GRIP1: variants seen among roughly 807,000 people sequenced by gnomAD.
GRIP1 encodes glutamate receptor interacting protein 1, also known as glutamate receptor-interacting protein 1.
Under a neutral mutation model 129.9 loss-of-function variants are expected in GRIP1, and 45 were observed. The observed-to-expected ratio is 0.35, with a 90% CI of 0.27 to 0.44. GRIP1 has a LOEUF of 0.44. Ranked by LOEUF, GRIP1 falls within the 20% of genes least tolerant of loss-of-function variation. The pLI, the probability that GRIP1 is intolerant of heterozygous loss-of-function variation, is 1.00. For missense variants in GRIP1, 1,196 were observed against 1,396.8 expected (o/e 0.86, Z 2.29); for synonymous variants, 530 against 520.8 (o/e 1.02, Z -0.24).
intron 1 of GRIP1, among the ~76,000 whole-genome samples, chr12:66,777,318 C>T (rs369380581): frequency 6.6e-6 from 1 of 152,120 alleles, no homozygotes; most frequent in African/African-American, 2.4e-5. Flanking sequence ...CTTGGTGCTG[C>T]CCTCCTCCTC....
intron 14 of GRIP1, among the ~76,000 whole-genome samples, chr12:66,429,194 G>A (rs760396099): frequency 5.9e-5 from 9 of 152,168 alleles, no homozygotes; most frequent in African/African-American, 1.7e-4. Context: ...GGCTCTGCTG[G>A]TATGCTTCCA....
chr12:66,700,042 A>G (rs928684867), intron 1 of GRIP1, among the ~76,000 whole-genome samples: 4 of 152,192 alleles, frequency 2.6e-5, no homozygotes, highest in Non-Finnish European at 5.9e-5. Flanking sequence ...CTTCTGCCCA[A>G]TCATTAGAGA....
intron 4 of GRIP1, among the ~76,000 whole-genome samples, chr12:66,531,270 T>A (rs1592499789): frequency 2.8e-4 from 3 of 10,704 alleles, no homozygotes; most frequent in East Asian, 2.9e-3. Context: ...TATATATATA[T>A]ATATATATAT....
At chr12:66,907,995 G>GA (rs1055300300) in intron 1 of GRIP1, among the ~76,000 whole-genome samples, 3 of 151,170 alleles carry the variant, frequency 2.0e-5, no homozygotes, top group Non-Finnish European at 4.4e-5. Flanking sequence ...TACCCAAAGT[G>GA]AAAAAAAATA....
In GRIP1 at chr12:66,636,917, T is replaced by C. The variant is rs538800055; in HGVS notation, c.56-39990A>G. On this transcript the variant is annotated intron_variant, in intron 1 of 24. Transcript: ENST00000359742. ...GAAAATAAATTTCTGCTGTCTAAGC[T>C]GCCCAGTCTATGACCTATTGTTAGG... Among the ~76,000 whole-genome samples, 3 of 152,328 alleles carry C rather than the reference T, an allele frequency of 2.0e-5. No homozygotes were observed. The East Asian group carries it at 5.8e-4, about 29-fold the overall frequency.
chr12:66,852,544 A>ATG (rs2039932452), intron 1 of GRIP1, among the ~76,000 whole-genome samples: 2 of 107,244 alleles, frequency 1.9e-5, no homozygotes, highest in Non-Finnish European at 4.1e-5. Context: ...ATATATGTAT[A>ATG]TATGTATATG....
At chr12:66,580,417 T>A (rs1380180876) in intron 2 of GRIP1, among the ~76,000 whole-genome samples, 3 of 151,730 alleles carry the variant, frequency 2.0e-5, no homozygotes, top group African/African-American at 7.3e-5. Flanking sequence ...ATATTAACTT[T>A]AAATGTAAAG....
At chr12:66,651,297 A>G (rs887142132) in intron 1 of GRIP1, among the ~76,000 whole-genome samples, 5 of 152,322 alleles carry the variant, frequency 3.3e-5, no homozygotes, top group African/African-American at 1.2e-4. Flanking sequence ...CAGGATCAAT[A>G]TTTGGTTTAT....
chr12:66,771,947 G>A (rs1415507841), intron 1 of GRIP1, among the ~76,000 whole-genome samples: 2 of 152,136 alleles, frequency 1.3e-5, no homozygotes, highest in Middle Eastern at 3.4e-3. Context: ...TTCATAAAAA[G>A]GACCAAAGGA....
chr12:67,054,899 G>C (rs1252625212), intron 1 of GRIP1, among the ~76,000 whole-genome samples: 5 of 152,158 alleles, frequency 3.3e-5, no homozygotes, highest in African/African-American at 1.2e-4. Flanking sequence ...ATAGACCAGA[G>C]GCCAACTGAA....
chr12:66,588,988 TTAAATAAA>T lies in GRIP1; in HGVS notation c.136+7851_136+7858del, dbSNP rs71069012. Among the ~76,000 whole-genome samples the T allele has an allele frequency of 2.9e-4, 43 of 145,848 alleles. No individual in the cohort carries two copies. The East Asian group carries it at 4.2e-3, about 14-fold the overall frequency. ...TGTCCCCCTCCTACAAAAAAAAAAA[TTAAATAAA>T]TAAATAAATAAATAAATAAATAAAA... On this transcript the variant is annotated intron_variant, in intron 2 of 24. Coordinates refer to ENST00000359742, the MANE Select transcript of GRIP1 (RefSeq NM_001366722.1).
Position 66,603,172 on chromosome 12 carries a change from T to C in GRIP1, c.56-6245A>G, listed in dbSNP as rs535183239. ...CACCACATCTGGCTTTCTTTTACTTTTGAACTTTGGAAAAAAAAAAACACC... is the reference window on the plus strand; with the variant it reads ...CACCACATCTGGCTTTCTTTTACTTCTGAACTTTGGAAAAAAAAAAACACC... On this transcript the variant is annotated intron_variant, in intron 1 of 24. Coordinates refer to ENST00000359742, the MANE Select transcript of GRIP1 (RefSeq NM_001366722.1). Among the ~76,000 whole-genome samples the C allele has an allele frequency of 1.0e-4, 12 of 115,246 alleles. No individual in the cohort carries two copies. The South Asian group carries it at 2.7e-3, about 26-fold the overall frequency. The allele number at this position is 115,246 out of a possible 152,430, so 75.6% of individuals were successfully genotyped here. A position where few individuals can be genotyped will look rare whatever the true frequency, so the allele number is the denominator to read the frequency against.
At chr12:66,503,891 C>A (rs1201324453) in intron 7 of GRIP1, among the ~76,000 whole-genome samples, 1 of 152,182 alleles carries the variant, frequency 6.6e-6, no homozygotes, top group Admixed American at 6.5e-5. Context: ...AGACTGTTGA[C>A]CACTTGGGAC....
intron 1 of GRIP1, among the ~76,000 whole-genome samples, chr12:66,973,158 CAT>C (rs751911080): frequency 2.0e-5 from 3 of 152,128 alleles, no homozygotes; most frequent in Admixed American, 6.5e-5. Flanking sequence ...AACACAGTAA[CAT>C]GTAATTTTTA....
chr12:66,722,655 A>G (rs2036094433), intron 1 of GRIP1, among the ~76,000 whole-genome samples: 1 of 152,212 alleles, frequency 6.6e-6, no homozygotes, highest in Admixed American at 6.5e-5. Flanking sequence ...TGTGAAGCAC[A>G]TAGGGAGGCC....
At chr12:66,898,657 G>C (rs1378085364) in intron 1 of GRIP1, among the ~76,000 whole-genome samples, 2 of 152,184 alleles carry the variant, frequency 1.3e-5, no homozygotes, top group African/African-American at 4.8e-5. Context: ...AAGAGAAAGA[G>C]ATTCTTAATT....
chr12:66,761,697 A>C (rs1286404771), intron 1 of GRIP1, among the ~76,000 whole-genome samples: 1 of 152,162 alleles, frequency 6.6e-6, no homozygotes, highest in Non-Finnish European at 1.5e-5. Flanking sequence ...GGGCTCATTA[A>C]ATATACTTTT....
chr12:66,859,274 A>AAAT (rs2040063926), intron 1 of GRIP1, among the ~76,000 whole-genome samples: 1 of 13,242 alleles, frequency 7.6e-5, no homozygotes, highest in African/African-American at 1.1e-4. Flanking sequence ...AAAACAAAAA[A>AAAT]ACAAAAAAAC....
chr12:67,013,637 T>G (rs1441077047), intron 1 of GRIP1, among the ~76,000 whole-genome samples: 2 of 152,162 alleles, frequency 1.3e-5, no homozygotes, highest in Non-Finnish European at 2.9e-5. Flanking sequence ...CTAGTTAACT[T>G]GGATAGCTGG....
Sources: gnomAD v4.1 joint callset for allele counts (sites outside exome capture counted in the v4.1 genomes callset) on GRCh38, gnomAD v4.1.1 for gene constraint, MANE v1.5 for transcripts, NCBI Gene and HGNC (gene_info 2026-07-23, HGNC 2026-07-21) for gene names.